The following RPP30 variants were observed in gnomAD, a reference collection of about 807,000 sequenced individuals.
RPP30 encodes the protein ribonuclease P/MRP subunit p30, also known as ribonuclease P protein subunit p30.
Under a neutral mutation model 38.6 loss-of-function variants are expected in RPP30, and 36 were observed. The observed-to-expected ratio is 0.93, with a 90% confidence interval of 0.71 to 1.23. RPP30 has a LOEUF of 1.23. Among genes scored for constraint, RPP30 ranks in the 50% most tolerant of loss-of-function variants. The pLI, the probability that RPP30 is intolerant of heterozygous loss-of-function variation, is 0.00. For missense variants in RPP30, 321 were observed against 321.7 expected (o/e 1.00, Z 0.02); for synonymous variants, 126 against 112.7 (o/e 1.12, Z -0.75).
Position 90,874,941 on chromosome 10 carries a change from A to G in RPP30, c.138+17A>G. The stretch of plus-strand genomic sequence containing the variant: ...AAGAAACAGGTAAAATAATATTTCT[A>G]AAGTTAATAAGTTCATAAATAAGTA... On this transcript the variant is annotated intron_variant, in intron 2 of 10. Transcript: ENST00000371703. 1 of 1,430,170 alleles carries G rather than the reference A, an allele frequency of 7.0e-7. No homozygotes were observed. The highest frequency in any genetic ancestry group is 9.8e-7 in the Non-Finnish European group (1 of 1,024,094). 88.6% of individuals were successfully genotyped at this position (1,430,170 alleles called of 1,614,324 possible).
intron 6 of RPP30, among the ~76,000 whole-genome samples, chr10:90,892,063 A>G (rs1275569845): frequency 1.3e-5 from 2 of 152,202 alleles, no homozygotes; most frequent in Admixed American, 1.3e-4. Context: ...TTTAGTACCA[A>G]TGTATCTTGA....
At chr10:90,888,854 G>A (rs1388494532) in intron 6 of RPP30, among the ~76,000 whole-genome samples, 4 of 152,094 alleles carry the variant, frequency 2.6e-5, no homozygotes, top group South Asian at 2.1e-4. Flanking sequence ...GTTTAACATG[G>A]TGTCTGCTTT....
At chr10:90,894,389 A>G (rs2120223368) in intron 6 of RPP30, among the ~76,000 whole-genome samples, 1 of 152,164 alleles carries the variant, frequency 6.6e-6, no homozygotes, top group South Asian at 2.1e-4. Context: ...CATAGGTCAG[A>G]TTACTTGGTT....
chr10:90,899,000 A>AT (rs1248159505), intron 10 of RPP30, among the ~76,000 whole-genome samples: 1 of 152,258 alleles, frequency 6.6e-6, no homozygotes, highest in Non-Finnish European at 1.5e-5. Flanking sequence ...GAAATACTAT[A>AT]TGTGAAAACA....
chr10:90,877,811 A>G (rs1846871848), intron 4 of RPP30, among the ~76,000 whole-genome samples: 1 of 152,154 alleles, frequency 6.6e-6, no homozygotes, highest in African/African-American at 2.4e-5. Flanking sequence ...CTGCATAAAG[A>G]GATTTTGTTT....
chr10:90,902,533 T>A (rs1333877196), downstream of RPP30, among the ~76,000 whole-genome samples: 6 of 152,170 alleles, frequency 3.9e-5, no homozygotes, highest in Non-Finnish European at 7.3e-5. Context: ...GCCTTCCAGT[T>A]CTTTTTAATG....
intron 1 of RPP30, 26 bp from the exon 2 acceptor site, chr10:90,874,843 A>C: frequency 6.4e-7 from 1 of 1,562,020 alleles, no homozygotes; most frequent in Non-Finnish European, 8.8e-7. Context: ...TATATTTAAC[A>C]AAAGTGTTCA....
In RPP30 at chr10:90,874,892, A is replaced by T. The variant is rs1398880047; in HGVS notation, c.106A>T (p.Asn36Tyr). The T allele has an allele frequency of 6.3e-7, 1 of 1,598,008 alleles. No individual in the cohort carries two copies. Among genetic ancestry groups the T allele is most frequent in the Non-Finnish European group, 8.5e-7 (1 of 1,169,912 alleles). ...AGTTGGCTATTCAGTTGTTGCTATC[A>T]ATCATATCGTTGACTTTAAGGAAAA... Reference protein sequence around the residue: ...AHLGYSVVAINHIVDFKEKKQ... With the variant: ...AHLGYSVVAIYHIVDFKEKKQ... The change falls in exon 2 of 11, where the codon AAT becomes TAT. Residue 36 changes from asparagine (N) to tyrosine (Y), a missense_variant. Physicochemically the swap from Asn to Tyr is moderately radical, Grantham distance 143. Coordinates refer to ENST00000371703, the MANE Select transcript of RPP30 (RefSeq NM_006413.5).
In RPP30 at chr10:90,884,814, C is replaced by G. The variant is rs1021311952; in HGVS notation, c.343-998C>G. ...ACTCTTCCTTACTCTGCCCTTTCCCCTGGTACATGCCACTGATGTTGTTTG... is the reference window on the plus strand; with the variant it reads ...ACTCTTCCTTACTCTGCCCTTTCCCGTGGTACATGCCACTGATGTTGTTTG... On this transcript the variant is annotated intron_variant, in intron 5 of 10. Transcript: ENST00000371703. Among the ~76,000 whole-genome samples the G allele has an allele frequency of 2.6e-5, 4 of 152,322 alleles. No homozygotes were observed. The East Asian group carries it at 7.7e-4, about 29-fold the overall frequency.
chr10:90,889,956 A>G lies in RPP30; in HGVS notation c.432+4055A>G, dbSNP rs149022727. Among the ~76,000 whole-genome samples, 798 of 152,334 alleles carry G rather than the reference A, an allele frequency of 5.2e-3. 5 individuals are homozygous for G. Among genetic ancestry groups the G allele is most frequent in the African/African-American group, 0.017 (701 of 41,566 alleles). ...AATTGGATTCCACTCCTTTTCTTGA[A>G]TAATCACATGACTTCAGATTATTTA... On this transcript the variant is annotated intron_variant, in intron 6 of 10. Coordinates refer to ENST00000371703, the MANE Select transcript of RPP30 (RefSeq NM_006413.5).
At chr10:90,885,674 A>G in intron 5 of RPP30, 138 bp from the exon 6 acceptor site, 3 of 629,208 alleles carry the variant, frequency 4.8e-6, no homozygotes, top group African/African-American at 1.9e-5. Flanking sequence ...ACTTTGTAAA[A>G]GGTCAGATGT....
Position 90,896,329 on chromosome 10 carries a change from C to T in RPP30, c.634C>T (p.Leu212Phe). ...TCCCCCAAGAGGCTTGCTGTTTGGG[C>T]TCTCTGAAAGTGACGCCAAGGCTGC... Reference protein sequence around the residue: ...DVANLGLLFGLSESDAKAAVS... With the variant: ...DVANLGLLFGFSESDAKAAVS... Residue 212 changes from leucine to phenylalanine, a missense_variant, in exon 10 of 11, where the codon CTC (leucine) becomes TTC (phenylalanine). Physicochemically the swap from Leu to Phe is conservative, Grantham distance 22 (BLOSUM62 0). Transcript: ENST00000371703. 1.2e-6 allele frequency: 2 copies of T among 1,614,012 alleles called. No homozygotes were observed. The highest frequency in any genetic ancestry group is 2.2e-5 in the South Asian group (2 of 91,078).
At chr10:90,873,652 AG>A (rs1846812538) in intron 1 of RPP30, among the ~76,000 whole-genome samples, 1 of 152,216 alleles carries the variant, frequency 6.6e-6, no homozygotes, top group Admixed American at 6.5e-5. Flanking sequence ...GTAGAACGGT[AG>A]GGACATTGTT....
chr10:90,872,023 T>G lies in RPP30; in HGVS notation c.37T>G (p.Ser13Ala), dbSNP rs918953028. Residue 13 changes from serine to alanine, a missense_variant, in exon 1 of 11, where the codon TCT (serine) becomes GCT (alanine). Transcript: ENST00000371703. ...VFADLDLRAG[S>A]DLKALRGLVE... ...TGCAGATTTGGACCTGCGAGCGGGTTCTGACCTGAAGGCTCTGCGCGGACT... is the reference window on the plus strand; with the variant it reads ...TGCAGATTTGGACCTGCGAGCGGGTGCTGACCTGAAGGCTCTGCGCGGACT... 1 of 1,614,182 alleles carries G rather than the reference T, an allele frequency of 6.2e-7. No individual in the cohort carries two copies. Among genetic ancestry groups the G allele is most frequent in the Non-Finnish European group, 8.5e-7 (1 of 1,180,032 alleles).
intron 6 of RPP30, among the ~76,000 whole-genome samples, chr10:90,886,315 A>G (rs2120204903): frequency 6.6e-6 from 1 of 152,312 alleles, no homozygotes; most frequent in South Asian, 2.1e-4. Context: ...ATGGCATCAC[A>G]TAGACGTGGT....
intron 5 of RPP30, chr10:90,879,965 CT>C (rs1454693989): frequency 6.6e-6 from 1 of 152,052 alleles, no homozygotes; most frequent in African/African-American, 2.4e-5. Context: ...TGAAAGTTGC[CT>C]TTTTCTAGGT....
chr10:90,880,438 C>T (rs1043509157), intron 5 of RPP30, among the ~76,000 whole-genome samples: 14 of 152,032 alleles, frequency 9.2e-5, no homozygotes, highest in Non-Finnish European at 1.6e-4. Context: ...TTAAAAAATG[C>T]AATTGTAGGC....
intron 8 of RPP30, 72 bp from the exon 9 acceptor site, chr10:90,895,807 AT>A: frequency 9.0e-7 from 1 of 1,108,978 alleles, no homozygotes; most frequent in Non-Finnish European, 1.3e-6. Context: ...TAAATTTTCT[AT>A]TAATTTGCTA....
At chr10:90,903,788 C>T (rs1292064460), downstream of RPP30, among the ~76,000 whole-genome samples, 1 of 152,142 alleles carries the variant, frequency 6.6e-6, no homozygotes, top group Non-Finnish European at 1.5e-5. Context: ...GATTAATAAC[C>T]TGTTAAATAA....
Sources: allele counts gnomAD v4.1 joint callset (sites outside exome capture counted in the v4.1 genomes callset), GRCh38; gene constraint gnomAD v4.1.1; transcripts MANE v1.5; gene names NCBI Gene and HGNC (gene_info 2026-07-23, HGNC 2026-07-21).